The following DENND6B variants were observed in gnomAD, a reference collection of about 807,000 sequenced individuals.
The protein encoded by DENND6B is DENN domain containing 6B, also known as protein DENND6B.
A neutral mutation model predicts 85.1 loss-of-function variants in DENND6B; 73 were observed. The ratio of observed to expected loss-of-function variants is 0.86; its 90% CI spans 0.71 to 1.04. The LOEUF is 1.04. Among genes scored for constraint, DENND6B ranks in the 50% least tolerant of loss-of-function variants. The pLI, the probability that DENND6B is intolerant of heterozygous loss-of-function variation, is 0.00. For missense variants in DENND6B, 715 were observed against 785.8 expected (o/e 0.91, Z 1.08); for synonymous variants, 357 against 329.3 (o/e 1.08, Z -0.91).
At position 50,313,439 on chromosome 22, in the gene DENND6B, C is replaced by A; in HGVS notation, c.1347+7G>T. The stretch of plus-strand genomic sequence containing the variant: ...TGGACCCCACAAAACCCCCACAGGA[C>A]CCCCACCTTCCAGGGCGTGATGCTC... On this transcript the variant is annotated splice_region_variant and intron_variant, in intron 16 of 19. Transcript: ENST00000413817. 1 of 1,536,952 alleles carries A rather than the reference C, an allele frequency of 6.5e-7. No homozygotes were observed. The highest frequency in any genetic ancestry group is 8.8e-7 in the Non-Finnish European group (1 of 1,142,344).
At chr22:50,316,597 A>AT in intron 5 of DENND6B, 122 bp from the exon 6 acceptor site, 1 of 1,540,816 alleles carries the variant, frequency 6.5e-7, no homozygotes. Context: ...ACGTCCCACC[A>AT]ACTTCACAGG....
chr22:50,314,577 C>G (rs2041723469), intron 11 of DENND6B, 28 bp downstream of exon 11: 1 of 1,556,176 alleles, frequency 6.4e-7, no homozygotes, highest in South Asian at 1.2e-5. Flanking sequence ...GGAGCAAGGG[C>G]AAGAGGCGGG....
At chr22:50,325,399 G>A (rs1163520468) in intron 1 of DENND6B, among the ~76,000 whole-genome samples, 1 of 145,078 alleles carries the variant, frequency 6.9e-6, no homozygotes, top group East Asian at 2.0e-4. Context: ...GCGCAATGGT[G>A]CAATCTCTGC....
At position 50,312,221 on chromosome 22, in the gene DENND6B, G is replaced by T. The variant is rs769880959; in HGVS notation, c.1676C>A (p.Thr559Lys). ...GATGTACAGCTGTGCCCGCTGCAGC[G>T]TAGCCTCCTTCACAGGGAGCTGGTG... ...QGHQLPVKEA[T>K]LQRAQLYIET... is the part of the protein sequence containing the mutation. The change falls in exon 20 of 20, where the codon ACG (threonine) becomes AAG (lysine). Residue 559 changes from threonine (T) to lysine (K), a missense_variant. Thr to Lys is a moderately conservative substitution (Grantham distance 78, BLOSUM62 -1). Transcript: ENST00000413817. 1.2e-6 allele frequency: 2 copies of T among 1,612,224 alleles called. No homozygotes were observed. Among genetic ancestry groups the T allele is most frequent in the Non-Finnish European group, 1.7e-6 (2 of 1,179,688 alleles).
rs969230495 is a variant in DENND6B, at chr22:50,314,802, G to A, written c.878C>T (p.Thr293Ile). Residue 293 changes from threonine (T) to isoleucine (I), a missense_variant, in exon 10 of 20, where the codon ACC becomes ATC. Thr to Ile is a moderately conservative substitution (Grantham distance 89). Transcript: ENST00000413817. ...CGGGACCGGGCCAAGGCGATACCTG[G>A]TCAAGGCCAGCACCATCTCCGAGGA... ...DVSSEMVLAL[T>I]SCLQPLRFCC... is the part of the protein sequence containing the mutation. 6.2e-7 allele frequency: 1 copy of A among 1,605,600 alleles called. No homozygotes were observed.
At chr22:50,326,743 C>T in intron 1 of DENND6B, 69 bp downstream of exon 1, 2 of 1,266,294 alleles carry the variant, frequency 1.6e-6, no homozygotes, top group Non-Finnish European at 2.0e-6. Context: ...GGGCCCCAAG[C>T]GAGGCGGGAC....
chr22:50,314,464 A>C lies in DENND6B; in HGVS notation c.1008T>G (p.Pro336=). 1 of 1,563,390 alleles carries C rather than the reference A, an allele frequency of 6.4e-7. No individual in the cohort carries two copies. Residue 336 remains proline, a synonymous_variant, in exon 12 of 20, where the codon CCT becomes CCG. Transcript: ENST00000413817. ...AGTGCTGGAGTGTTTTGATAAAGAA[A>C]GGGTTTGTGACTCCCAGGACCACGT... ...PPNVVLGVTN[P]FFIKTLQHWP...
intron 1 of DENND6B, among the ~76,000 whole-genome samples, chr22:50,322,854 T>C (rs1601836113): frequency 7.1e-6 from 1 of 141,270 alleles, no homozygotes; most frequent in East Asian, 2.0e-4. Flanking sequence ...CCAGCCTTAT[T>C]TTTTTTTTTT....
rs1262841444 is a variant in DENND6B, at chr22:50,315,733, GGAC to G, written c.736_738del (p.Val246del). 4 of 1,559,086 alleles carry G rather than the reference GGAC, an allele frequency of 2.6e-6. No homozygotes were observed. The South Asian group carries it at 4.8e-5, about 19-fold the overall frequency. ...GCTCACCTGAACAGGTCCAGCTCGT[GGAC>G]GCTAGCAAGAACCACTGGGGCTGGC... On this transcript the variant is annotated inframe_deletion, in exon 9 of 20. Coordinates refer to ENST00000413817, the MANE Select transcript of DENND6B (RefSeq NM_001001794.4).
intron 1 of DENND6B, among the ~76,000 whole-genome samples, chr22:50,324,121 C>G (rs1340559030): frequency 1.3e-5 from 2 of 152,056 alleles, no homozygotes; most frequent in African/African-American, 4.8e-5. Flanking sequence ...CAGTCCTGCC[C>G]AGCCCCTCAC....
At chr22:50,314,129 G>GGC in intron 13 of DENND6B, 78 bp downstream of exon 13, 1 of 1,488,328 alleles carries the variant, frequency 6.7e-7, no homozygotes. Context: ...GGGCCTGGCT[G>GGC]CCCCACCCGA....
intron 1 of DENND6B, among the ~76,000 whole-genome samples, chr22:50,320,234 T>G (rs568974337): frequency 6.6e-6 from 1 of 152,370 alleles, no homozygotes; most frequent in African/African-American, 2.4e-5. Context: ...ATTTTGTTTC[T>G]GAGAGACAGG....
In DENND6B at chr22:50,309,966, C is replaced by T. The variant is rs1334580982; in HGVS notation, c.*2173G>A. 2.0e-5 allele frequency: 3 copies of T among 152,296 alleles called. No homozygotes were observed. The highest frequency in any genetic ancestry group is 7.2e-5 in the African/African-American group (3 of 41,458). The allele number at this position is 152,296 out of a possible 1,614,324, so 9.4% of individuals were successfully genotyped here. A position where few individuals can be genotyped will look rare whatever the true frequency, so the allele number is the denominator to read the frequency against. On this transcript the variant is annotated 3_prime_UTR_variant, in exon 20 of 20. Transcript: ENST00000413817. ...GAGGTGGGTTGTCTTCCCAAGCTGC[C>T]CCGACACCTTGAAGTGGTGGTCCTC... is the stretch of plus-strand genomic sequence containing the variant.
rs566854535 is a variant in DENND6B, at chr22:50,326,648, G to A, written c.177+164C>T. Among the ~76,000 whole-genome samples the A allele has an allele frequency of 7.9e-5, 12 of 152,346 alleles. No homozygotes were observed. The South Asian group carries it at 2.5e-3, about 32-fold the overall frequency. On this transcript the variant is annotated intron_variant, in intron 1 of 19. Transcript: ENST00000413817. ...TCCGAGCAGCTCGCCTTCCCTCCTC[G>A]GCCTGGGGAGCGCTTCTGGAGCCCG...
chr22:50,322,356 G>A (rs2042071709), intron 1 of DENND6B, among the ~76,000 whole-genome samples: 1 of 152,122 alleles, frequency 6.6e-6, no homozygotes, highest in South Asian at 2.1e-4. Flanking sequence ...TTACAGGCGT[G>A]AGCCACCGTG....
At chr22:50,323,083 G>T (rs1225387975) in intron 1 of DENND6B, among the ~76,000 whole-genome samples, 2 of 118,830 alleles carry the variant, frequency 1.7e-5, no homozygotes, top group Non-Finnish European at 3.3e-5. Flanking sequence ...TAGCCAGAAT[G>T]GTCTTGATCT....
rs750076424 is a variant in DENND6B, at chr22:50,316,173, C to G, written c.639+1G>C. On this transcript the variant is annotated splice_donor_variant, in intron 7 of 19. Coordinates refer to ENST00000413817, the MANE Select transcript of DENND6B (RefSeq NM_001001794.4). LOFTEE classifies it high-confidence loss of function. ...CTACTCCCCAGCCAGCTGGCTCTCA[C>G]CTGGACAACAACGCCCATGACAGGT... 9 of 1,612,488 alleles carry G rather than the reference C, an allele frequency of 5.6e-6. No individual in the cohort carries two copies. The South Asian group carries it at 8.8e-5, about 16-fold the overall frequency.
In DENND6B at chr22:50,314,273, C is replaced by T. The variant is rs1406095592; in HGVS notation, c.1073-1G>A. The T allele has an allele frequency of 6.2e-7, 1 of 1,609,110 alleles. No homozygotes were observed. Among genetic ancestry groups the T allele is most frequent in the Admixed American group, 1.7e-5 (1 of 59,866 alleles). On this transcript the variant is annotated splice_acceptor_variant, in intron 12 of 19. Coordinates refer to ENST00000413817, the MANE Select transcript of DENND6B (RefSeq NM_001001794.4). LOFTEE classifies it high-confidence loss of function. The stretch of plus-strand genomic sequence containing the variant: ...AGCTTGACTTGCTTAGGCAGGTCTC[C>T]TACGAGACACGCCCGGTGGCCAGGC...
chr22:50,322,612 T>C (rs1277161196), intron 1 of DENND6B, among the ~76,000 whole-genome samples: 1 of 151,624 alleles, frequency 6.6e-6, no homozygotes, highest in Non-Finnish European at 1.5e-5. Context: ...TGCAGTGGCG[T>C]GATCTCCGCT....
Sources: allele counts gnomAD v4.1 joint callset (sites outside exome capture counted in the v4.1 genomes callset), GRCh38; gene constraint gnomAD v4.1.1; transcripts MANE v1.5; gene names NCBI Gene and HGNC (gene_info 2026-07-23, HGNC 2026-07-21).